The following MTRR variants were observed in gnomAD, a reference collection of about 807,000 sequenced individuals.
The protein encoded by MTRR is 5-methyltetrahydrofolate-homocysteine methyltransferase reductase.
In MTRR, 63 loss-of-function variants were observed where a neutral mutation model predicts 79.2. The observed-to-expected ratio is 0.80, with a 90% confidence interval of 0.65 to 0.98. The LOEUF is 0.98. Among genes scored for constraint, MTRR ranks in the 50% least tolerant of loss-of-function variants. The pLI is 0.00. For synonymous variants in MTRR, 355 were observed against 313.3 expected (o/e 1.13, Z -1.41); for missense variants, 895 against 839.6 (o/e 1.07, Z -0.82).
rs1747366452 is a variant in MTRR, at chr5:7,869,161, G to T, written c.-80G>T. On this transcript the variant is annotated 5_prime_UTR_variant, in exon 1 of 15. Transcript: ENST00000440940. ...GGGCGCTGCGTCAGTGCGCGCTGGC[G>T]CAAGGTTGGTGGAAGTCGCGTTGTG... The T allele has an allele frequency of 6.2e-7, 1 of 1,612,886 alleles. No homozygotes were observed. The highest frequency in any genetic ancestry group is 8.5e-7 in the Non-Finnish European group (1 of 1,179,836).
At chr5:7,892,245 T>C (rs1240296453) in intron 10 of MTRR, among the ~76,000 whole-genome samples, 1 of 152,194 alleles carries the variant, frequency 6.6e-6, no homozygotes, top group African/African-American at 2.4e-5. Context: ...TACCGTGTAA[T>C]GTGAAAAGAA....
At chr5:7,895,282 G>T (rs1372967109) in intron 11 of MTRR, among the ~76,000 whole-genome samples, 1 of 152,158 alleles carries the variant, frequency 6.6e-6, no homozygotes, top group Non-Finnish European at 1.5e-5. Context: ...CCATTATCTG[G>T]AATATTTGGA....
At chr5:7,885,172 C>A (rs1243854992) in intron 6 of MTRR, 1 of 160,262 alleles carries the variant, frequency 6.2e-6, no homozygotes, top group African/African-American at 2.4e-5. Context: ...CATGTTTGCT[C>A]ACAACCAGTA....
intron 9 of MTRR, 25 bp downstream of exon 9, chr5:7,889,300 C>A (rs1446453593): frequency 3.1e-6 from 5 of 1,612,144 alleles, no homozygotes; most frequent in Non-Finnish European, 4.2e-6. Flanking sequence ...TCACAAGCAC[C>A]TTGGTGGCTG....
intron 3 of MTRR, among the ~76,000 whole-genome samples, chr5:7,874,588 C>CT (rs5865743): frequency 0.016 from 1,756 of 108,138 alleles, 22 homozygotes; most frequent in Admixed American, 0.024. Flanking sequence ...GGGATTTAAG[C>CT]TTTTTTTTTT....
intron 4 of MTRR, among the ~76,000 whole-genome samples, chr5:7,877,038 G>A (rs1433124621): frequency 6.6e-6 from 1 of 152,212 alleles, no homozygotes; most frequent in Non-Finnish European, 1.5e-5. Flanking sequence ...TACCACATGA[G>A]CACCTCCCGA....
intron 11 of MTRR, 73 bp from the exon 12 acceptor site, chr5:7,895,661 C>T (rs763218333): frequency 1.3e-6 from 2 of 1,577,454 alleles, no homozygotes. Context: ...ATTTGTTTAG[C>T]AAAGATCATC....
chr5:7,866,271 T>C (rs1304183093), upstream of MTRR, among the ~76,000 whole-genome samples: 1 of 150,498 alleles, frequency 6.6e-6, no homozygotes, highest in African/African-American at 2.4e-5. Flanking sequence ...AAATTTGACA[T>C]ATTTGGGTGG....
At chr5:7,872,999 A>G (rs528142318) in intron 2 of MTRR, among the ~76,000 whole-genome samples, 8 of 152,260 alleles carry the variant, frequency 5.3e-5, no homozygotes, top group Non-Finnish European at 1.0e-4. Flanking sequence ...CTCAGTGGCA[A>G]AGAGTTGACT....
At chr5:7,879,076 T>C (rs1439290796) in intron 5 of MTRR, among the ~76,000 whole-genome samples, 1 of 152,266 alleles carries the variant, frequency 6.6e-6, no homozygotes, top group African/African-American at 2.4e-5. Context: ...AGCAATTTTT[T>C]TTAGCATCTT....
At chr5:7,866,958 C>G (rs951173878), upstream of MTRR, 19 of 1,614,176 alleles carry the variant, frequency 1.2e-5, no homozygotes, top group Non-Finnish European at 1.5e-5. Flanking sequence ...CTGCAGTACT[C>G]CATGACCCTG....
At position 7,883,151 on chromosome 5, in the gene MTRR, C is replaced by G. The variant is rs1057521905; in HGVS notation, c.781-4C>G. On this transcript the variant is annotated splice_polypyrimidine_tract_variant and splice_region_variant and intron_variant, in intron 5 of 14. Transcript: ENST00000440940. Reference sequence around the variant, plus strand: ...CTTACGTTTTGTCACATTTGTTTTTCAAGGAGGAAAGCCAAGTATCTGTGA... The same window carrying G: ...CTTACGTTTTGTCACATTTGTTTTTGAAGGAGGAAAGCCAAGTATCTGTGA... 4 of 1,614,014 alleles carry G rather than the reference C, an allele frequency of 2.5e-6. No individual in the cohort carries two copies. The African/African-American group carries it at 5.3e-5, about 22-fold the overall frequency.
At chr5:7,868,199 G>GTA, upstream of MTRR, 4 of 174,836 alleles carry the variant, frequency 2.3e-5, no homozygotes, top group South Asian at 2.9e-4. Flanking sequence ...ACGAGTATCT[G>GTA]GAAAAAAAAA....
At chr5:7,895,599 A>T (rs558148600) in intron 11 of MTRR, 135 bp from the exon 12 acceptor site, 1 of 1,194,096 alleles carries the variant, frequency 8.4e-7, no homozygotes, top group South Asian at 1.3e-5. Flanking sequence ...TTTCAATAAA[A>T]TCTGATGCCA....
At chr5:7,875,509 A>G in intron 4 of MTRR, 134 bp downstream of exon 4, 4 of 829,084 alleles carry the variant, frequency 4.8e-6, no homozygotes, top group Non-Finnish European at 8.4e-6. Flanking sequence ...TTTTAGCTTT[A>G]GGATCCAAGA....
intron 5 of MTRR, among the ~76,000 whole-genome samples, chr5:7,879,325 A>G (rs1330271881): frequency 6.6e-6 from 1 of 152,176 alleles, no homozygotes; most frequent in Non-Finnish European, 1.5e-5. Context: ...GAGATTAATC[A>G]TTAATCTGAC....
rs1040830041 is a variant in MTRR at position 7,893,054 on chromosome 5, C to T, written c.1557+141C>T. ...TTCTTGAATTTTAAAATCTCTATTGCAAGAGCAGAAAACTGTTTACTTCCA... is the reference window on the plus strand; with the variant it reads ...TTCTTGAATTTTAAAATCTCTATTGTAAGAGCAGAAAACTGTTTACTTCCA... On this transcript the variant is annotated intron_variant, in intron 11 of 14. Coordinates refer to ENST00000440940, the MANE Select transcript of MTRR (RefSeq NM_002454.3). 3 of 997,440 alleles carry T rather than the reference C, an allele frequency of 3.0e-6. No homozygotes were observed. In the African/African-American group the frequency reaches 4.9e-5, roughly 16 times the overall value. The allele number at this position is 997,440 out of a possible 1,614,324, so 61.8% of individuals were successfully genotyped here. A position where few individuals can be genotyped will look rare whatever the true frequency, so the allele number is the denominator to read the frequency against.
intron 10 of MTRR, among the ~76,000 whole-genome samples, chr5:7,892,197 G>A (rs162048): frequency 0.84 from 128,079 of 152,182 alleles, 54,143 homozygotes; most frequent in African/African-American, 0.9. Context: ...TTGGTTGAAA[G>A]GGGAATTAAG....
exon 1 of MTRR, chr5:7,851,467 C>G (rs916408709): frequency 1.3e-5 from 2 of 158,606 alleles, no homozygotes; most frequent in African/African-American, 2.4e-5. Flanking sequence ...AGGAAGCTTA[C>G]AGTCTGGAGA....
Sources: allele counts gnomAD v4.1 joint callset (sites outside exome capture counted in the v4.1 genomes callset), GRCh38; gene constraint gnomAD v4.1.1; transcripts MANE v1.5; gene names NCBI Gene and HGNC (gene_info 2026-07-23, HGNC 2026-07-21).